The following AGTPBP1 variants were observed in gnomAD, a reference collection of about 807,000 sequenced individuals.
AGTPBP1 encodes ATP/GTP binding carboxypeptidase 1.
Under a neutral mutation model 143.9 loss-of-function variants are expected in AGTPBP1, and 70 were observed. The observed-to-expected ratio is 0.49, with a 90% confidence interval of 0.40 to 0.59. AGTPBP1 has a LOEUF of 0.59. Ranked by LOEUF, AGTPBP1 falls within the 20% of genes least tolerant of loss-of-function variation. The probability of loss-of-function intolerance (pLI) is 0.00; values close to 1 mark genes in which losing one functional copy is unlikely to be tolerated. For synonymous variants in AGTPBP1, 463 were observed against 500.2 expected (o/e 0.93, Z 0.99); for missense variants, 1,229 against 1,464.5 (o/e 0.84, Z 2.62).
At chr9:85,626,191 T>C (rs1831284238) in intron 14 of AGTPBP1, among the ~76,000 whole-genome samples, 1 of 152,214 alleles carries the variant, frequency 6.6e-6, no homozygotes, top group African/African-American at 2.4e-5. Context: ...GCTATCTACA[T>C]TGAGATACGA....
At chr9:85,639,292 A>T (rs1832291296) in intron 13 of AGTPBP1, among the ~76,000 whole-genome samples, 1 of 152,182 alleles carries the variant, frequency 6.6e-6, no homozygotes. Context: ...GATGCAGCAA[A>T]AACAGTAATT....
At chr9:85,690,908 T>C (rs1286445859) in intron 3 of AGTPBP1, among the ~76,000 whole-genome samples, 1 of 152,176 alleles carries the variant, frequency 6.6e-6, no homozygotes, top group African/African-American at 2.4e-5. Flanking sequence ...TAGGAGTATT[T>C]TCAGTGGTAA....
At chr9:85,656,157 C>T (rs17088841) in intron 10 of AGTPBP1, among the ~76,000 whole-genome samples, 10,559 of 152,156 alleles carry the variant, frequency 0.069, 640 homozygotes, top group East Asian at 0.35. Context: ...GTCTGACTTG[C>T]TGTCCTGGTA....
chr9:85,690,451 T>C (rs186303399), intron 3 of AGTPBP1, among the ~76,000 whole-genome samples: 2 of 152,236 alleles, frequency 1.3e-5, no homozygotes, highest in African/African-American at 2.4e-5. Flanking sequence ...CATTCTCTGA[T>C]AGTGGTATGG....
intron 1 of AGTPBP1, among the ~76,000 whole-genome samples, chr9:85,728,890 T>C (rs1336413571): frequency 6.6e-6 from 1 of 152,216 alleles, no homozygotes; most frequent in Non-Finnish European, 1.5e-5. Flanking sequence ...TTTGATATTG[T>C]CAATAATTTT....
intron 4 of AGTPBP1, 106 bp downstream of exon 4, chr9:85,681,162 C>A: frequency 2.1e-6 from 2 of 970,568 alleles, no homozygotes; most frequent in Non-Finnish European, 3.1e-6. Flanking sequence ...TATATATGTA[C>A]GTGTGTATGT....
chr9:85,781,982 A>G, the AGTPBP1 span, among the ~76,000 whole-genome samples: 2 of 152,218 alleles, frequency 1.3e-5, no homozygotes, highest in South Asian at 4.1e-4. Flanking sequence ...AGAGGAATCA[A>G]TATTTCTAAA....
intron 14 of AGTPBP1, among the ~76,000 whole-genome samples, chr9:85,627,201 T>C (rs1282010098): frequency 6.6e-6 from 1 of 152,212 alleles, no homozygotes; most frequent in Non-Finnish European, 1.5e-5. Context: ...GTCTAATCTT[T>C]GCTTTTAAAA....
At chr9:85,737,724 T>C (rs1367659939) in intron 1 of AGTPBP1, among the ~76,000 whole-genome samples, 2 of 152,046 alleles carry the variant, frequency 1.3e-5, no homozygotes, top group Non-Finnish European at 2.9e-5. Flanking sequence ...AACCAATGGG[T>C]TTTACTAGAG....
chr9:85,692,272 ATTT>A (rs1255296569), intron 3 of AGTPBP1, among the ~76,000 whole-genome samples: 10 of 135,760 alleles, frequency 7.4e-5, no homozygotes, highest in Admixed American at 7.5e-5. Context: ...AGAAAGTTTG[ATTT>A]TTTTTTTTTT....
intron 1 of AGTPBP1, among the ~76,000 whole-genome samples, chr9:85,736,520 T>C (rs1588007816): frequency 6.6e-6 from 1 of 152,202 alleles, no homozygotes; most frequent in Admixed American, 6.5e-5. Flanking sequence ...TTATTCCTAC[T>C]ATCTAGCTAT....
At chr9:85,592,430 C>T (rs954604997) in intron 19 of AGTPBP1, 130 bp downstream of exon 19, 7 of 597,448 alleles carry the variant, frequency 1.2e-5, no homozygotes, top group Admixed American at 8.1e-5. Context: ...GTATAATTAT[C>T]CTTATGTTAG....
At chr9:85,548,489 A>G (rs1825848832) in intron 25 of AGTPBP1, among the ~76,000 whole-genome samples, 1 of 152,252 alleles carries the variant, frequency 6.6e-6, no homozygotes, top group African/African-American at 2.4e-5. Context: ...AATATGATAG[A>G]GTAGTCCAAA....
the AGTPBP1 span, among the ~76,000 whole-genome samples, chr9:85,767,701 C>T: frequency 1.3e-5 from 2 of 152,024 alleles, no homozygotes; most frequent in Non-Finnish European, 2.9e-5. Flanking sequence ...AGGCTGGTCT[C>T]GAACTCCTGA....
At chr9:85,685,248 T>C (rs1430926122) in intron 3 of AGTPBP1, among the ~76,000 whole-genome samples, 1 of 151,862 alleles carries the variant, frequency 6.6e-6, no homozygotes, top group Non-Finnish European at 1.5e-5. Context: ...AAGATATAAA[T>C]TTACAGATTC....
chr9:85,716,273 T>C (rs888604186), intron 1 of AGTPBP1, among the ~76,000 whole-genome samples: 6 of 152,236 alleles, frequency 3.9e-5, no homozygotes, highest in Non-Finnish European at 5.9e-5. Context: ...TTTGGCTATA[T>C]ACTTTGCTTT....
intron 25 of AGTPBP1, among the ~76,000 whole-genome samples, chr9:85,572,031 T>G (rs1216590675): frequency 1.2e-5 from 1 of 86,742 alleles, no homozygotes; most frequent in African/African-American, 5.2e-5. Context: ...TTTTTTTTTT[T>G]TTTTTTTTTT....
chr9:85,652,498 G>T (rs138820619), intron 11 of AGTPBP1, among the ~76,000 whole-genome samples: 1 of 152,180 alleles, frequency 6.6e-6, no homozygotes, highest in East Asian at 1.9e-4. Flanking sequence ...AAGACAGAGT[G>T]AGACTTCATC....
intron 1 of AGTPBP1, among the ~76,000 whole-genome samples, chr9:85,730,840 CCT>C (rs1253543914): frequency 3.3e-5 from 5 of 152,118 alleles, no homozygotes; most frequent in African/African-American, 9.7e-5. Flanking sequence ...ACTCCAATCC[CCT>C]GTTACAGTCA....
Sources: allele counts gnomAD v4.1 joint callset (sites outside exome capture counted in the v4.1 genomes callset), GRCh38; gene constraint gnomAD v4.1.1; transcripts MANE v1.5; gene names NCBI Gene and HGNC (gene_info 2026-07-23, HGNC 2026-07-21).